Variants in TPST1 observed in about 807,000 individuals in gnomAD.
TPST1 encodes tyrosylprotein sulfotransferase 1, also known as protein-tyrosine sulfotransferase 1.
A neutral mutation model predicts 34.8 loss-of-function variants in TPST1; 20 were observed. That is an observed-to-expected ratio of 0.57 (90% CI 0.40 to 0.84). The LOEUF (loss-of-function observed/expected upper bound fraction) is 0.84. Among genes scored for constraint, TPST1 ranks in the 40% least tolerant of loss-of-function variants. The pLI, the probability that TPST1 is intolerant of heterozygous loss-of-function variation, is 0.00. For missense variants in TPST1, 353 were observed against 455.5 expected (o/e 0.78, Z 2.05); for synonymous variants, 152 against 159.4 (o/e 0.95, Z 0.35).
intron 3 of TPST1, among the ~76,000 whole-genome samples, chr7:66,302,518 A>G (rs1229782261): frequency 1.3e-5 from 2 of 152,150 alleles, no homozygotes; most frequent in African/African-American, 4.8e-5. Flanking sequence ...TTGTTTTTAC[A>G]CTTGGGACTC....
chr7:66,300,131 ACT>A (rs1401543905), intron 3 of TPST1, among the ~76,000 whole-genome samples: 3 of 151,900 alleles, frequency 2.0e-5, no homozygotes, highest in African/African-American at 7.3e-5. Flanking sequence ...GCTGGTGGAG[ACT>A]CTTACCTCCA....
intron 4 of TPST1, chr7:66,352,916 C>T (rs1792510823): frequency 1.0e-6 from 1 of 985,344 alleles, no homozygotes; most frequent in African/African-American, 1.7e-5. Context: ...CTCTCTGTTC[C>T]TACTCTGTGT....
At chr7:66,358,243 G>A (rs10807703) in intron 5 of TPST1, among the ~76,000 whole-genome samples, 85,899 of 151,698 alleles carry the variant, frequency 0.57, 25,017 homozygotes, top group African/African-American at 0.71. Context: ...GCGAGACTTC[G>A]TCTCAAAAAT....
chr7:66,314,134 C>T (rs897884961), intron 3 of TPST1, among the ~76,000 whole-genome samples: 1 of 152,146 alleles, frequency 6.6e-6, no homozygotes, highest in Non-Finnish European at 1.5e-5. Context: ...CATCTGAAGG[C>T]GTATGATGTT....
At chr7:66,255,840 C>T (rs937811732) in intron 2 of TPST1, among the ~76,000 whole-genome samples, 4 of 151,742 alleles carry the variant, frequency 2.6e-5, no homozygotes, top group Non-Finnish European at 2.9e-5. Flanking sequence ...AAATTCTCTT[C>T]TGCTTAAAAA....
chr7:66,267,565 C>T (rs1465401302), intron 2 of TPST1, among the ~76,000 whole-genome samples: 1 of 151,966 alleles, frequency 6.6e-6, no homozygotes, highest in Non-Finnish European at 1.5e-5. Flanking sequence ...GCTTTCATCC[C>T]CAAATTGCAG....
At chr7:66,211,044 G>C (rs549349444) in intron 1 of TPST1, among the ~76,000 whole-genome samples, 4 of 106,400 alleles carry the variant, frequency 3.8e-5, no homozygotes, top group East Asian at 4.2e-4. Flanking sequence ...ATAGTTTCTT[G>C]CTTTCCTGGT....
chr7:66,227,027 G>GTTTTTTTTTTTT (rs1390977469), intron 1 of TPST1, among the ~76,000 whole-genome samples: 15 of 46,026 alleles, frequency 3.3e-4, no homozygotes, highest in African/African-American at 1.7e-3. Context: ...CTTAAAATAA[G>GTTTTTTTTTTTT]CTTTTTTTTT....
At chr7:66,293,039 T>A (rs1791117976) in intron 3 of TPST1, among the ~76,000 whole-genome samples, 1 of 152,056 alleles carries the variant, frequency 6.6e-6, no homozygotes, top group South Asian at 2.1e-4. Context: ...ACCCCTTCTC[T>A]ACTAAATACA....
At chr7:66,315,601 A>G (rs1461503459) in intron 3 of TPST1, among the ~76,000 whole-genome samples, 1 of 152,230 alleles carries the variant, frequency 6.6e-6, no homozygotes, top group Admixed American at 6.5e-5. Flanking sequence ...TAATGTGACA[A>G]GACAAGAAAA....
At chr7:66,284,722 A>G (rs928461590) in intron 2 of TPST1, among the ~76,000 whole-genome samples, 2 of 151,846 alleles carry the variant, frequency 1.3e-5, no homozygotes, top group African/African-American at 4.8e-5. Flanking sequence ...ACACCTGGCT[A>G]ATTTTTGTAT....
chr7:66,247,152 G>A (rs1358831755), intron 2 of TPST1, among the ~76,000 whole-genome samples: 1 of 152,202 alleles, frequency 6.6e-6, no homozygotes, highest in Non-Finnish European at 1.5e-5. Context: ...AAGAGGCCAG[G>A]CACAGTGGCT....
chr7:66,340,439 AG>A (rs1289540029), intron 3 of TPST1, among the ~76,000 whole-genome samples: 1 of 152,216 alleles, frequency 6.6e-6, no homozygotes, highest in Non-Finnish European at 1.5e-5. Context: ...TTGGAAAGGA[AG>A]AAACCACATT....
At chr7:66,342,899 C>T (rs1331008887) in intron 3 of TPST1, among the ~76,000 whole-genome samples, 2 of 152,164 alleles carry the variant, frequency 1.3e-5, no homozygotes, top group Admixed American at 1.3e-4. Context: ...CTGGGAATCA[C>T]ATTTCAGCAT....
chr7:66,281,997 G>C (rs1790941826), intron 2 of TPST1, among the ~76,000 whole-genome samples: 1 of 152,176 alleles, frequency 6.6e-6, no homozygotes, highest in African/African-American at 2.4e-5. Context: ...AGAACTTGCT[G>C]AGTCACAGAT....
At chr7:66,249,954 C>T (rs76475117) in intron 2 of TPST1, among the ~76,000 whole-genome samples, 4,005 of 152,312 alleles carry the variant, frequency 0.026, 77 homozygotes, top group Non-Finnish European at 0.034. Flanking sequence ...TCATGAGACA[C>T]TTGGCAAATG....
intron 3 of TPST1, among the ~76,000 whole-genome samples, chr7:66,349,187 G>A (rs894166312): frequency 6.6e-6 from 1 of 152,168 alleles, no homozygotes; most frequent in Non-Finnish European, 1.5e-5. Flanking sequence ...ATGACTGCCT[G>A]GGCTTGAGTT....
intron 3 of TPST1, among the ~76,000 whole-genome samples, chr7:66,329,082 T>C (rs919161750): frequency 1.3e-5 from 2 of 150,748 alleles, no homozygotes; most frequent in Admixed American, 1.3e-4. Context: ...CAGCTAATAC[T>C]TGTATTTTTT....
At chr7:66,253,370 CTTTT>C (rs199518226) in intron 2 of TPST1, among the ~76,000 whole-genome samples, 3 of 130,156 alleles carry the variant, frequency 2.3e-5, no homozygotes, top group African/African-American at 2.8e-5. Flanking sequence ...AGATCGCTTT[CTTTT>C]TTTTTTTTTT....
Sources: gnomAD v4.1 joint callset for allele counts (sites outside exome capture counted in the v4.1 genomes callset) on GRCh38, gnomAD v4.1.1 for gene constraint, MANE v1.5 for transcripts, NCBI Gene and HGNC (gene_info 2026-07-23, HGNC 2026-07-21) for gene names.